The following FAM186B variants were observed in gnomAD, a reference collection of about 807,000 sequenced individuals.
FAM186B encodes family with sequence similarity 186 member B.
Under a neutral mutation model 83.4 loss-of-function variants are expected in FAM186B, and 68 were observed. The ratio of observed to expected loss-of-function variants is 0.81; its 90% confidence interval spans 0.67 to 1.00. The LOEUF is 1.00. Ranked by LOEUF, FAM186B falls within the 50% of genes least tolerant of loss-of-function variation. The pLI is 0.00. For synonymous variants in FAM186B, 389 were observed against 422.0 expected, an observed-to-expected ratio of 0.92 and a Z score of 0.96; for missense variants, 983 against 1,099.2, an observed-to-expected ratio of 0.89 and a Z score of 1.49.
chr12:49,622,114 T>C, the FAM186B span, among the ~76,000 whole-genome samples: 583 of 152,330 alleles, frequency 3.8e-3, 9 homozygotes, highest in African/African-American at 0.013. Flanking sequence ...ATCTCAATAA[T>C]AGTTTGAAAA....
At chr12:49,596,773 TG>T (rs1939736612) in intron 5 of FAM186B, among the ~76,000 whole-genome samples, 6 of 152,212 alleles carry the variant, frequency 3.9e-5, no homozygotes, top group Non-Finnish European at 8.8e-5. Context: ...GATTCTCTTC[TG>T]GGTATATACC....
In FAM186B at chr12:49,600,304, C is replaced by T; in HGVS notation, c.1336G>A (p.Asp446Asn). The T allele has an allele frequency of 1.2e-6, 2 of 1,614,212 alleles. No individual in the cohort carries two copies. The highest frequency in any genetic ancestry group is 1.7e-6 in the Non-Finnish European group (2 of 1,180,042). ...SLGHKDKDQE[D>N]YFQKGGLQIK... ...TGGAGTCCTCCCTTCTGGAAGTAGT[C>T]CTCCTGGTCTTTGTCTTTGTGGCCT... The change falls in exon 4 of 7, where the codon GAC (aspartate) becomes AAC (asparagine). Residue 446 changes from aspartate to asparagine, a missense_variant. Transcript: ENST00000257894. This position sits in a 1 kb window ranked among gnomAD's most constrained non-coding sequence, Gnocchi z 4.3.
At chr12:49,622,408 G>T in the FAM186B span, among the ~76,000 whole-genome samples, 1 of 152,234 alleles carries the variant, frequency 6.6e-6, no homozygotes, top group East Asian at 1.9e-4. Context: ...CTCGGAGGCT[G>T]AGGGAGAAGG....
At chr12:49,588,757 C>A in intron 5 of FAM186B, 134 bp from the exon 6 acceptor site, 2 of 787,502 alleles carry the variant, frequency 2.5e-6, no homozygotes, top group Non-Finnish European at 3.8e-6. Context: ...CCAGGGAATC[C>A]CTTCAATTAG....
upstream of FAM186B, among the ~76,000 whole-genome samples, chr12:49,610,141 GGAAA>G (rs1203865321): frequency 2.8e-5 from 4 of 143,344 alleles, no homozygotes; most frequent in Non-Finnish European, 4.6e-5. Flanking sequence ...AAGGGAAGGT[GGAAA>G]AAAAAAAAAA....
In FAM186B at chr12:49,595,544, CTG is replaced by C. The variant is rs1939696760; in HGVS notation, c.2364+3209_2364+3210del. 1.5e-5 allele frequency: 7 copies of C among 453,734 alleles called. No homozygotes were observed. The Middle Eastern group carries it at 1.4e-3, about 91-fold the overall frequency. The allele number at this position is 453,734 out of a possible 1,614,324, so 28.1% of individuals were successfully genotyped here. On this transcript the variant is annotated intron_variant, in intron 5 of 6. Coordinates refer to ENST00000257894, the MANE Select transcript of FAM186B (RefSeq NM_032130.3). ...ATGAATGGAAGCCATTACACCTACT[CTG>C]AGAATCGTGTGGAAAAGGACGGCCT... is the stretch of plus-strand genomic sequence containing the variant.
chr12:49,600,527 A>T lies in FAM186B; in HGVS notation c.1113T>A (p.Leu371=). ...GTATCATGGCCATGGGACTTGGGGG[A>T]AGTGGCGAGAACAACTGCTCCTCCT... is the stretch of plus-strand genomic sequence containing the variant. The part of the protein sequence containing the change: ...PMKEEQLFSP[L]PPSPMAMIRD... Residue 371 remains leucine, a synonymous_variant, in exon 4 of 7, where the codon CTT becomes CTA. Transcript: ENST00000257894. This position sits in a 1 kb window ranked among gnomAD's most constrained non-coding sequence, Gnocchi z 4.3. 1 of 1,613,622 alleles carries T rather than the reference A, an allele frequency of 6.2e-7. No homozygotes were observed. The highest frequency in any genetic ancestry group is 8.5e-7 in the Non-Finnish European group (1 of 1,179,896).
intron 5 of FAM186B, 77 bp downstream of exon 5, chr12:49,598,678 C>A (rs1385481299): frequency 2.4e-5 from 32 of 1,350,478 alleles, no homozygotes; most frequent in Non-Finnish European, 2.9e-5. Context: ...CCCACGGGTT[C>A]ATTTCAGGCC....
upstream of FAM186B, chr12:49,605,753 C>CTTTTTTTTTTTTTTTTTTT (rs200117345): frequency 8.7e-6 from 2 of 228,830 alleles, 1 homozygote. Flanking sequence ...GACTTGTTGC[C>CTTTTTTTTTTTTTTTTTTT]TTTTCTTTTT....
At chr12:49,612,504 C>T in the FAM186B span, among the ~76,000 whole-genome samples, 1 of 151,354 alleles carries the variant, frequency 6.6e-6, no homozygotes. Context: ...TCATAAACTG[C>T]CTTAAAACAT....
rs746951804 is a variant in FAM186B, at chr12:49,587,572, C to T, written c.*33G>A. 2 of 1,614,052 alleles carry T rather than the reference C, an allele frequency of 1.2e-6. No homozygotes were observed. Among genetic ancestry groups the T allele is most frequent in the South Asian group, 1.1e-5 (1 of 91,076 alleles). ...CCATCAGCCTCGCACCTTACTGGGC[C>T]TTCAGGAAGTTCAGGCTTTTGTGGC... On this transcript the variant is annotated 3_prime_UTR_variant, in exon 7 of 7. Transcript: ENST00000257894.
chr12:49,602,869 G>A (rs1939923498), intron 3 of FAM186B, among the ~76,000 whole-genome samples: 3 of 152,208 alleles, frequency 2.0e-5, no homozygotes, highest in Admixed American at 2.0e-4. Context: ...ATGGCCCGCA[G>A]GTTCTAGCTG....
chr12:49,601,774 G>A (rs1229436871), intron 3 of FAM186B, among the ~76,000 whole-genome samples: 4 of 152,178 alleles, frequency 2.6e-5, no homozygotes, highest in South Asian at 4.2e-4. Flanking sequence ...GCTGGGTCAC[G>A]GTGGTCATTG....
the FAM186B span, chr12:49,619,665 C>CTTTT: frequency 2.3e-5 from 5 of 222,158 alleles, no homozygotes; most frequent in Non-Finnish European, 3.4e-5. Context: ...AGTTAGACAT[C>CTTTT]TCTTTTTTTT....
rs779567379 is a variant in FAM186B, at chr12:49,601,103, C to T, written c.537G>A (p.Gln179=). The part of the protein sequence containing the change: ...VSKRTFWQGW[Q]GRSPQTSPSH... ...ATGGAGATGTCTGTGGGCTTCTTCC[C>T]TGCCAGCCCTGCCAGAAGGTGCGTT... Residue 179 remains glutamine (Q), a synonymous_variant, in exon 4 of 7, where the codon CAG becomes CAA. Coordinates refer to ENST00000257894, the MANE Select transcript of FAM186B (RefSeq NM_032130.3). 6.4e-7 allele frequency: 1 copy of T among 1,572,544 alleles called. No individual in the cohort carries two copies. Among genetic ancestry groups the T allele is most frequent in the Non-Finnish European group, 8.6e-7 (1 of 1,157,852 alleles).
the FAM186B span, chr12:49,619,261 C>A: frequency 4.1e-6 from 1 of 246,090 alleles, no homozygotes; most frequent in Non-Finnish European, 7.6e-6. Flanking sequence ...AACACAGGCA[C>A]AGGTGGGGAT....
chr12:49,613,085 A>C, the FAM186B span, among the ~76,000 whole-genome samples: 1 of 152,266 alleles, frequency 6.6e-6, no homozygotes, highest in Non-Finnish European at 1.5e-5. Flanking sequence ...GAAGATCTTC[A>C]AAACCACACA....
Position 49,603,341 on chromosome 12 carries a change from G to A in FAM186B, c.349C>T (p.Pro117Ser), listed in dbSNP as rs761167147. The A allele has an allele frequency of 1.9e-6, 3 of 1,614,028 alleles. No individual in the cohort carries two copies. Among genetic ancestry groups the A allele is most frequent in the Admixed American group, 3.3e-5 (2 of 60,004 alleles). Residue 117 changes from proline (P) to serine (S), a missense_variant, in exon 3 of 7, where the codon CCC (proline) becomes TCC (serine). Transcript: ENST00000257894. ...GCTGCTTCCTCTTCACTCTTCCTGG[G>A]CCCAATCTCATAGGTCAGAGTGTCA... ...WGDTLTYEIG[P>S]RKSEEEAAAL...
chr12:49,605,372 C>G lies in FAM186B; in HGVS notation c.96+10G>C, dbSNP rs1041419827. 7 of 1,609,890 alleles carry G rather than the reference C, an allele frequency of 4.3e-6. No homozygotes were observed. Among genetic ancestry groups the G allele is most frequent in the Admixed American group, 1.7e-5 (1 of 59,580 alleles). ...CAATGTAAGAGTGATTCCTTCATCT[C>G]AGGGGCTACCTCTTGAGCCCGAGTT... On this transcript the variant is annotated intron_variant, in intron 1 of 6. Coordinates refer to ENST00000257894, the MANE Select transcript of FAM186B (RefSeq NM_032130.3).
Sources: allele counts gnomAD v4.1 joint callset (sites outside exome capture counted in the v4.1 genomes callset), GRCh38; gene constraint gnomAD v4.1.1; non-coding constraint Gnocchi (gnomAD v3.1); transcripts MANE v1.5; gene names NCBI Gene and HGNC (gene_info 2026-07-23, HGNC 2026-07-21).